Variants in SEMA6D observed in about 807,000 individuals in gnomAD.
SEMA6D encodes the protein semaphorin-6D.
In SEMA6D, 35 loss-of-function variants were observed where a neutral mutation model predicts 106.6. The observed-to-expected ratio is 0.33, with a 90% CI of 0.25 to 0.44. The LOEUF is 0.44. Ranked by LOEUF, SEMA6D falls within the 20% of genes least tolerant of loss-of-function variation. SEMA6D has a pLI of 1.00. For missense variants in SEMA6D, 1,185 were observed against 1,345.9 expected (o/e 0.88, Z 1.87); for synonymous variants, 499 against 487.7 (o/e 1.02, Z -0.31).
intron 4 of SEMA6D, among the ~76,000 whole-genome samples, chr15:47,676,850 G>C (rs1244832802): frequency 4.6e-5 from 7 of 152,090 alleles, no homozygotes; most frequent in Non-Finnish European, 1.0e-4. Flanking sequence ...GATGGTGGTT[G>C]GGGCTTCAGT....
At chr15:47,476,698 C>T (rs946523624) in intron 3 of SEMA6D, among the ~76,000 whole-genome samples, 77 of 152,140 alleles carry the variant, frequency 5.1e-4, no homozygotes, top group African/African-American at 1.8e-3. Context: ...GGCATACCGT[C>T]TGATTTAATT....
intron 1 of SEMA6D, among the ~76,000 whole-genome samples, chr15:47,198,914 A>G (rs1037705816): frequency 2.6e-5 from 4 of 152,180 alleles, no homozygotes; most frequent in Non-Finnish European, 5.9e-5. Flanking sequence ...CAATGGGTAC[A>G]GTTTGGAGTC....
At chr15:47,669,831 G>A (rs1280223953) in intron 4 of SEMA6D, among the ~76,000 whole-genome samples, 3 of 152,130 alleles carry the variant, frequency 2.0e-5, no homozygotes, top group Non-Finnish European at 2.9e-5. Flanking sequence ...GTCTGACCTG[G>A]ACTTGAAGCT....
intron 1 of SEMA6D, among the ~76,000 whole-genome samples, chr15:47,750,572 C>A (rs1457902012): frequency 2.0e-5 from 3 of 152,200 alleles, no homozygotes; most frequent in Admixed American, 2.0e-4. Context: ...CTTCCTTGCT[C>A]CTTCAGAATG....
chr15:47,614,732 T>C (rs1008001870), intron 4 of SEMA6D, among the ~76,000 whole-genome samples: 1 of 152,212 alleles, frequency 6.6e-6, no homozygotes, highest in Non-Finnish European at 1.5e-5. Flanking sequence ...GTTTAGGATC[T>C]ACAATCATTG....
chr15:47,602,125 C>A (rs1351327266), intron 4 of SEMA6D, among the ~76,000 whole-genome samples: 10 of 152,094 alleles, frequency 6.6e-5, no homozygotes, highest in Admixed American at 5.2e-4. Flanking sequence ...GGATCACAAA[C>A]CTGCTTTAGA....
intron 3 of SEMA6D, among the ~76,000 whole-genome samples, chr15:47,501,452 G>A (rs536526751): frequency 6.6e-6 from 1 of 152,264 alleles, no homozygotes; most frequent in South Asian, 2.1e-4. Flanking sequence ...GATCCTCCAT[G>A]GGACCAAAAT....
At chr15:47,418,467 G>C (rs563194883) in intron 2 of SEMA6D, among the ~76,000 whole-genome samples, 1 of 152,154 alleles carries the variant, frequency 6.6e-6, no homozygotes, top group East Asian at 1.9e-4. Flanking sequence ...CCATTTTCTT[G>C]TTCATAGGCC....
chr15:47,563,810 T>A (rs2046149016), intron 3 of SEMA6D, among the ~76,000 whole-genome samples: 1 of 152,234 alleles, frequency 6.6e-6, no homozygotes, highest in African/African-American at 2.4e-5. Flanking sequence ...CACATTTACA[T>A]AGGTTATGTA....
chr15:47,294,125 C>T (rs2035704408), intron 1 of SEMA6D, among the ~76,000 whole-genome samples: 2 of 150,852 alleles, frequency 1.3e-5, no homozygotes, highest in Non-Finnish European at 2.9e-5. Context: ...GAGCCGTGCA[C>T]TATTGGAGAA....
At chr15:47,610,059 G>T (rs1262576853) in intron 4 of SEMA6D, among the ~76,000 whole-genome samples, 5 of 152,218 alleles carry the variant, frequency 3.3e-5, no homozygotes, top group Non-Finnish European at 7.3e-5. Flanking sequence ...AGAGTGAGGA[G>T]AATTGATTTC....
intron 4 of SEMA6D, among the ~76,000 whole-genome samples, chr15:47,701,167 T>C (rs1476317807): frequency 3.9e-5 from 6 of 152,088 alleles, no homozygotes; most frequent in Non-Finnish European, 8.8e-5. Context: ...AAACCAAGGA[T>C]TGGGAAAATA....
intron 1 of SEMA6D, among the ~76,000 whole-genome samples, chr15:47,294,912 A>G (rs960438996): frequency 4.8e-5 from 2 of 41,826 alleles, no homozygotes; most frequent in African/African-American, 8.1e-5. Flanking sequence ...TTCTCTGCTC[A>G]GTCTGGAACA....
At chr15:47,481,749 G>T (rs563642412) in intron 3 of SEMA6D, among the ~76,000 whole-genome samples, 1 of 152,136 alleles carries the variant, frequency 6.6e-6, no homozygotes, top group Non-Finnish European at 1.5e-5. Context: ...GCTAAATCCT[G>T]ACTCTACTGC....
intron 3 of SEMA6D, among the ~76,000 whole-genome samples, chr15:47,493,331 A>G (rs2043532016): frequency 1.3e-5 from 2 of 152,098 alleles, no homozygotes; most frequent in African/African-American, 4.8e-5. Flanking sequence ...AGCAACTCTC[A>G]CCTCTCAGTC....
intron 1 of SEMA6D, among the ~76,000 whole-genome samples, chr15:47,362,745 G>A (rs2038861881): frequency 1.3e-5 from 2 of 152,256 alleles, no homozygotes; most frequent in South Asian, 4.1e-4. Flanking sequence ...GAGGAAGAGG[G>A]GGAGGAGGCA....
At chr15:47,608,954 T>C (rs2076837063) in intron 4 of SEMA6D, among the ~76,000 whole-genome samples, 1 of 152,236 alleles carries the variant, frequency 6.6e-6, no homozygotes, top group Non-Finnish European at 1.5e-5. Flanking sequence ...TGCTTTTTTC[T>C]AGCCTATGTT....
intron 1 of SEMA6D, among the ~76,000 whole-genome samples, chr15:47,389,128 A>G (rs192515523): frequency 2.2e-4 from 34 of 152,324 alleles, no homozygotes; most frequent in Admixed American, 2.2e-3. Context: ...AAAGCTGTTC[A>G]TGTTCTTAGA....
chr15:47,445,021 A>T (rs1009113898), intron 2 of SEMA6D, among the ~76,000 whole-genome samples: 3 of 151,904 alleles, frequency 2.0e-5, no homozygotes, highest in Admixed American at 6.6e-5. Context: ...TGGGAAGATG[A>T]TTTTCCCCTG....
Sources: gnomAD v4.1 joint callset for allele counts (sites outside exome capture counted in the v4.1 genomes callset) on GRCh38, gnomAD v4.1.1 for gene constraint, MANE v1.5 for transcripts, NCBI Gene and HGNC (gene_info 2026-07-23, HGNC 2026-07-21) for gene names.